The following TRAPPC12 variants were observed in gnomAD, a reference collection of about 807,000 sequenced individuals.
The protein encoded by TRAPPC12 is TPR repeat protein 15.
A neutral mutation model predicts 69.2 loss-of-function variants in TRAPPC12; 61 were observed. That is an observed-to-expected ratio of 0.88 (90% CI 0.72 to 1.09). The LOEUF (loss-of-function observed/expected upper bound fraction) is 1.09. TRAPPC12 is among the 50% of genes least tolerant of loss of function. The pLI, the probability that TRAPPC12 is intolerant of heterozygous loss-of-function variation, is 0.00. For missense variants in TRAPPC12, 1,101 were observed against 1,016.4 expected (o/e 1.08, Z -1.13); for synonymous variants, 469 against 438.9 (o/e 1.07, Z -0.86).
intron 9 of TRAPPC12, among the ~76,000 whole-genome samples, chr2:3,471,982 G>A (rs986001023): frequency 2.0e-5 from 3 of 152,170 alleles, no homozygotes; most frequent in Admixed American, 6.5e-5. Flanking sequence ...CCTAGGCCTC[G>A]GTGTCCTGGA....
chr2:3,387,996 C>G lies in TRAPPC12; in HGVS notation c.373C>G (p.Pro125Ala). Reference sequence around the variant, plus strand: ...CGACTGTGCCCCCGAGGACGCGGCACCCAGTAGCGGAGGGGCCCCGAGGCA... The same window carrying G: ...CGACTGTGCCCCCGAGGACGCGGCAGCCAGTAGCGGAGGGGCCCCGAGGCA... Reference protein sequence around the residue: ...DGDCAPEDAAPSSGGAPRQDA... With the variant: ...DGDCAPEDAAASSGGAPRQDA... Residue 125 changes from proline (P) to alanine (A), a missense_variant, in exon 2 of 12, where the codon CCC (proline) becomes GCC (alanine). Transcript: ENST00000324266. 1.4e-6 allele frequency: 2 copies of G among 1,472,452 alleles called. No homozygotes were observed. The highest frequency in any genetic ancestry group is 2.6e-5 in the South Asian group (2 of 75,494). The allele number at this position is 1,472,452 out of a possible 1,614,324, so 91.2% of individuals were successfully genotyped here. A position where few individuals can be genotyped will look rare whatever the true frequency, so the allele number is the denominator to read the frequency against.
In TRAPPC12 at chr2:3,388,312, C is replaced by A. The variant is rs773820162; in HGVS notation, c.689C>A (p.Ser230Tyr). 7 of 1,605,138 alleles carry A rather than the reference C, an allele frequency of 4.4e-6. No individual in the cohort carries two copies. In the South Asian group the frequency reaches 7.8e-5, roughly 18 times the overall value. The change falls in exon 2 of 12, where the codon TCC (serine) becomes TAC (tyrosine). Residue 230 changes from serine to tyrosine, a missense_variant. Coordinates refer to ENST00000324266, the MANE Select transcript of TRAPPC12 (RefSeq NM_016030.6). ...ASDFFDSFTT[S>Y]AFISVSNPGA... ...GACTTCTTCGACTCCTTTACTACCT[C>A]CGCCTTCATTTCCGTCAGCAATCCC...
chr2:3,474,476 T>C (rs1009867200), intron 9 of TRAPPC12, among the ~76,000 whole-genome samples: 1 of 152,180 alleles, frequency 6.6e-6, no homozygotes, highest in Non-Finnish European at 1.5e-5. Context: ...ATCAATACTT[T>C]GCATCCTTCA....
chr2:3,418,303 C>T (rs560806907), intron 3 of TRAPPC12, among the ~76,000 whole-genome samples: 7 of 151,978 alleles, frequency 4.6e-5, no homozygotes, highest in Non-Finnish European at 7.3e-5. Context: ...AAATGCAGGC[C>T]CCTGCTTTGT....
intron 5 of TRAPPC12, among the ~76,000 whole-genome samples, chr2:3,438,541 C>T (rs1664010913): frequency 7.1e-6 from 1 of 141,402 alleles, no homozygotes; most frequent in Non-Finnish European, 1.5e-5. Context: ...GGGTTAATCC[C>T]CACCACCCGT....
At chr2:3,466,632 G>A (rs1053425429) in intron 9 of TRAPPC12, among the ~76,000 whole-genome samples, 5 of 152,174 alleles carry the variant, frequency 3.3e-5, no homozygotes, top group African/African-American at 4.8e-5. Context: ...GTAGGCACAC[G>A]TGCACACACC....
intron 6 of TRAPPC12, chr2:3,456,935 T>G: frequency 2.8e-6 from 1 of 353,714 alleles, no homozygotes; most frequent in Non-Finnish European, 5.5e-6. Context: ...TCCCCATGTA[T>G]GATGTCTGCA....
At chr2:3,395,115 G>A (rs1661051343) in intron 2 of TRAPPC12, among the ~76,000 whole-genome samples, 1 of 152,128 alleles carries the variant, frequency 6.6e-6, no homozygotes, top group African/African-American at 2.4e-5. Flanking sequence ...TTCCAAAGTG[G>A]GCACAGTATT....
intron 5 of TRAPPC12, among the ~76,000 whole-genome samples, chr2:3,442,084 T>C (rs989056436): frequency 1.4e-5 from 2 of 146,132 alleles, no homozygotes; most frequent in Non-Finnish European, 3.0e-5. Context: ...AGCTAGTCTA[T>C]AAATTGAGAT....
intron 9 of TRAPPC12, chr2:3,466,218 G>GTCCCGCCCACATCCCTGTCAA (rs1470844240): frequency 2.1e-6 from 1 of 468,564 alleles, no homozygotes; most frequent in Non-Finnish European, 4.4e-6. Flanking sequence ...GGAGTGATGA[G>GTCCCGCCCACATCCCTGTCAA]TCCCGCCCAC....
At chr2:3,400,714 C>T (rs1661392482) in intron 2 of TRAPPC12, among the ~76,000 whole-genome samples, 1 of 152,196 alleles carries the variant, frequency 6.6e-6, no homozygotes, top group African/African-American at 2.4e-5. Flanking sequence ...GGCCTGTGGA[C>T]TGTGACAGTT....
At chr2:3,403,358 G>A (rs1157351264) in intron 3 of TRAPPC12, among the ~76,000 whole-genome samples, 2 of 150,270 alleles carry the variant, frequency 1.3e-5, no homozygotes, top group Non-Finnish European at 2.9e-5. Flanking sequence ...TCAGCTTCCC[G>A]AGTAGCTGGG....
intron 2 of TRAPPC12, among the ~76,000 whole-genome samples, chr2:3,393,119 A>G (rs536434470): frequency 1.3e-5 from 2 of 152,258 alleles, no homozygotes; most frequent in African/African-American, 4.8e-5. Flanking sequence ...TTTTTAAAAA[A>G]AAAAATGTTT....
Position 3,388,448 on chromosome 2 carries a change from G to T in TRAPPC12, c.825G>T (p.Ala275=). The T allele has an allele frequency of 6.2e-7, 1 of 1,609,880 alleles. No homozygotes were observed. The highest frequency in any genetic ancestry group is 8.5e-7 in the Non-Finnish European group (1 of 1,178,596). The part of the protein sequence containing the change: ...MRGPQAAAPP[A]SPEPFAHIQA... The stretch of plus-strand genomic sequence containing the variant: ...GGCCCCAGGCAGCTGCGCCCCCGGC[G>T]TCGCCAGAGCCTTTCGCGCACATCC... Residue 275 remains alanine, a synonymous_variant, in exon 2 of 12, where the codon GCG becomes GCT. Coordinates refer to ENST00000324266, the MANE Select transcript of TRAPPC12 (RefSeq NM_016030.6).
At chr2:3,460,236 C>T (rs372061115) in intron 7 of TRAPPC12, 27 bp from the exon 8 acceptor site, 14 of 872,888 alleles carry the variant, frequency 1.6e-5, no homozygotes, top group Non-Finnish European at 2.6e-5. Context: ...TTTATTTGTG[C>T]ACTTACAGGC....
At chr2:3,451,549 G>A (rs1265862900) in intron 6 of TRAPPC12, among the ~76,000 whole-genome samples, 1 of 151,930 alleles carries the variant, frequency 6.6e-6, no homozygotes, top group Non-Finnish European at 1.5e-5. Flanking sequence ...TGAGACAGGG[G>A]GTCTTATTCT....
At chr2:3,439,403 C>T (rs988139534) in intron 5 of TRAPPC12, among the ~76,000 whole-genome samples, 7 of 152,116 alleles carry the variant, frequency 4.6e-5, no homozygotes, top group Non-Finnish European at 8.8e-5. Context: ...AAGCAGCCTT[C>T]CCACCTCAAC....
At chr2:3,422,490 A>G (rs1040443213) in intron 4 of TRAPPC12, among the ~76,000 whole-genome samples, 4 of 152,372 alleles carry the variant, frequency 2.6e-5, no homozygotes, top group Admixed American at 2.0e-4. Context: ...CTCATCTGAG[A>G]AGAAGGAACA....
chr2:3,426,424 A>ACC (rs1315479977), intron 5 of TRAPPC12, among the ~76,000 whole-genome samples: 2 of 152,208 alleles, frequency 1.3e-5, no homozygotes, highest in African/African-American at 4.8e-5. Flanking sequence ...CTTCCTGCCC[A>ACC]CCCACTGGCC....
Sources: gnomAD v4.1 joint callset for allele counts (sites outside exome capture counted in the v4.1 genomes callset) on GRCh38, gnomAD v4.1.1 for gene constraint, MANE v1.5 for transcripts, NCBI Gene and HGNC (gene_info 2026-07-23, HGNC 2026-07-21) for gene names.